MALRD1: variants seen among roughly 807,000 people sequenced by gnomAD.
MALRD1 encodes the protein MAM and LDL-receptor class A domain-containing protein 1.
A neutral mutation model predicts 242.1 loss-of-function variants in MALRD1; 247 were observed. The ratio of observed to expected loss-of-function variants is 1.02; its 90% CI spans 0.92 to 1.13. MALRD1 has a LOEUF of 1.13. MALRD1 is among the 50% of genes most tolerant of loss of function. The probability of loss-of-function intolerance (pLI) is 0.00; values close to 1 mark genes in which losing one functional copy is unlikely to be tolerated. For missense variants in MALRD1, 2,989 were observed against 2,533.1 expected (o/e 1.18, Z -3.86); for synonymous variants, 995 against 866.6 (o/e 1.15, Z -2.60).
At chr10:19,240,184 T>G (rs1462398890) in intron 18 of MALRD1, among the ~76,000 whole-genome samples, 1 of 152,024 alleles carries the variant, frequency 6.6e-6, no homozygotes, top group East Asian at 1.9e-4. Context: ...GTGTTATAGT[T>G]TTCATTGTAG....
intron 38 of MALRD1, among the ~76,000 whole-genome samples, chr10:19,710,015 A>G (rs966169694): frequency 2.6e-5 from 4 of 152,124 alleles, no homozygotes; most frequent in African/African-American, 9.7e-5. Flanking sequence ...GGAGAAGATC[A>G]CTTGAGCCCA....
At chr10:19,237,628 T>TTA (rs1253741696) in intron 18 of MALRD1, among the ~76,000 whole-genome samples, 3 of 59,548 alleles carry the variant, frequency 5.0e-5, no homozygotes, top group East Asian at 9.2e-4. Flanking sequence ...AATTATATAA[T>TTA]TATAATTATA....
intron 26 of MALRD1, 43 bp downstream of exon 26, chr10:19,352,340 G>A (rs1196106761): frequency 2.7e-6 from 4 of 1,506,740 alleles, no homozygotes; most frequent in Admixed American, 4.0e-5. Flanking sequence ...TTTGCATGGT[G>A]AAAGGTGAAA....
At chr10:19,218,086 A>T (rs1837399827) in intron 18 of MALRD1, among the ~76,000 whole-genome samples, 1 of 152,132 alleles carries the variant, frequency 6.6e-6, no homozygotes, top group Non-Finnish European at 1.5e-5. Context: ...ACATGAAACT[A>T]TGGAGCTAGT....
At chr10:19,727,232 A>G (rs1286639364) in intron 38 of MALRD1, among the ~76,000 whole-genome samples, 7 of 152,182 alleles carry the variant, frequency 4.6e-5, no homozygotes, top group Admixed American at 2.6e-4. Context: ...TAAAAATACA[A>G]AATATTCACC....
intron 19 of MALRD1, among the ~76,000 whole-genome samples, chr10:19,271,022 A>G (rs889197101): frequency 6.6e-6 from 1 of 152,148 alleles, no homozygotes; most frequent in Non-Finnish European, 1.5e-5. Context: ...ATGCATGTTG[A>G]ATGTTTATAT....
intron 31 of MALRD1, among the ~76,000 whole-genome samples, chr10:19,522,888 C>T (rs1408013319): frequency 6.6e-6 from 1 of 151,980 alleles, no homozygotes; most frequent in Non-Finnish European, 1.5e-5. Context: ...TGTATTTTAC[C>T]AGTCTTACCT....
At chr10:19,088,536 C>CTTTTTTTTTTT (rs748953378) in intron 4 of MALRD1, among the ~76,000 whole-genome samples, 5 of 110,014 alleles carry the variant, frequency 4.5e-5, no homozygotes, top group Non-Finnish European at 7.4e-5. Context: ...CTCTTTCTTT[C>CTTTTTTTTTTT]TTTTTTTTTT....
intron 14 of MALRD1, among the ~76,000 whole-genome samples, chr10:19,188,376 C>G (rs931012785): frequency 6.6e-6 from 1 of 152,066 alleles, no homozygotes; most frequent in African/African-American, 2.4e-5. Flanking sequence ...CAAGAATTTT[C>G]TTTTGATTGG....
chr10:19,285,568 T>C (rs1035876937), intron 21 of MALRD1, among the ~76,000 whole-genome samples: 6 of 151,804 alleles, frequency 4.0e-5, no homozygotes, highest in Non-Finnish European at 7.4e-5. Flanking sequence ...GTTGTAGATA[T>C]GCGGCGTTAT....
intron 14 of MALRD1, among the ~76,000 whole-genome samples, chr10:19,194,515 G>A (rs915161650): frequency 1.3e-5 from 2 of 152,024 alleles, no homozygotes; most frequent in African/African-American, 4.8e-5. Flanking sequence ...GACACTGTCA[G>A]TCTATTACCA....
At chr10:19,075,485 TTG>T (rs1229692174) in intron 2 of MALRD1, among the ~76,000 whole-genome samples, 6 of 152,116 alleles carry the variant, frequency 3.9e-5, no homozygotes, top group South Asian at 2.1e-4. Flanking sequence ...ATTGCTGGCT[TTG>T]GAAATGAAGA....
chr10:19,657,429 C>T (rs1045172999), intron 36 of MALRD1, among the ~76,000 whole-genome samples: 3 of 152,098 alleles, frequency 2.0e-5, no homozygotes, highest in South Asian at 2.1e-4. Context: ...CAGGGGTCCA[C>T]ATCAGGGGCA....
Position 19,280,065 on chromosome 10 carries a change from T to A in MALRD1, c.3098T>A (p.Leu1033His), listed in dbSNP as rs971955638. The part of the protein sequence containing the change: ...TLYPGNLPAD[L>H]PTPPETSVPV... The stretch of plus-strand genomic sequence containing the variant: ...TATCAAGGTAATTTGCCAGCAGACC[T>A]CCCAACTCCACCAGAAACGTCAGTT... Residue 1033 changes from leucine (L) to histidine (H), a missense_variant, in exon 20 of 40, where the codon CTC becomes CAC. By Grantham distance (99) the Leu-to-His change is moderately conservative. Coordinates refer to ENST00000454679, the MANE Select transcript of MALRD1 (RefSeq NM_001142308.3). 9.2e-6 allele frequency: 14 copies of A among 1,514,314 alleles called. No individual in the cohort carries two copies. Among genetic ancestry groups the A allele is most frequent in the African/African-American group, 1.4e-5 (1 of 71,162 alleles). 93.8% of individuals were successfully genotyped at this position (1,514,314 alleles called of 1,614,324 possible).
chr10:19,065,373 G>T (rs1471589416), intron 1 of MALRD1, among the ~76,000 whole-genome samples: 3 of 151,880 alleles, frequency 2.0e-5, no homozygotes, highest in African/African-American at 7.3e-5. Context: ...AAAGGGAGTG[G>T]TAACTTTTGG....
At chr10:19,204,285 T>A (rs972198149) in intron 15 of MALRD1, 23 bp from the exon 16 acceptor site, 25 of 1,365,228 alleles carry the variant, frequency 1.8e-5, no homozygotes, top group Middle Eastern at 1.9e-4. Flanking sequence ...TGAAGCGTTT[T>A]TTTTTTTTTT....
chr10:19,126,956 G>T (rs1837302569), intron 7 of MALRD1, among the ~76,000 whole-genome samples: 1 of 151,992 alleles, frequency 6.6e-6, no homozygotes, highest in Non-Finnish European at 1.5e-5. Context: ...CCCCTTCCCT[G>T]TGTCTGTGTT....
chr10:19,697,849 T>C (rs1318962534), intron 38 of MALRD1, among the ~76,000 whole-genome samples: 1 of 152,194 alleles, frequency 6.6e-6, no homozygotes, highest in Non-Finnish European at 1.5e-5. Flanking sequence ...TTGTCCATCT[T>C]CTCTTAACCT....
chr10:19,341,574 T>G lies in MALRD1; in HGVS notation c.3902-6197T>G, dbSNP rs553557798. 1.2e-4 allele frequency among the ~76,000 whole-genome samples: 10 copies of G among 86,174 alleles called. 1 individual carries two copies. The South Asian group carries it at 3.1e-3, about 27-fold the overall frequency. 56.5% of individuals were successfully genotyped at this position (86,174 alleles called of 152,430 possible). A position where few individuals can be genotyped will look rare whatever the true frequency, so the allele number is the denominator to read the frequency against. ...CACACACACGTATTTTATACATACA[T>G]GTATATAAAACACTCACACACACAC... is the stretch of plus-strand genomic sequence containing the variant. On this transcript the variant is annotated intron_variant, in intron 24 of 39. Coordinates refer to ENST00000454679, the MANE Select transcript of MALRD1 (RefSeq NM_001142308.3).
Sources: gnomAD v4.1 joint callset for allele counts (sites outside exome capture counted in the v4.1 genomes callset) on GRCh38, gnomAD v4.1.1 for gene constraint, MANE v1.5 for transcripts, NCBI Gene and HGNC (gene_info 2026-07-23, HGNC 2026-07-21) for gene names.